Variants in AUTS2 observed in about 807,000 individuals in gnomAD.
The protein encoded by AUTS2 is autism susceptibility gene 2 protein.
Under a neutral mutation model 112.4 loss-of-function variants are expected in AUTS2, and 17 were observed. The ratio of observed to expected loss-of-function variants is 0.15; its 90% CI spans 0.10 to 0.23. The LOEUF (loss-of-function observed/expected upper bound fraction) is 0.23. AUTS2 is among the 10% of genes least tolerant of loss of function. The pLI is 1.00. For synonymous variants in AUTS2, 751 were observed against 702.7 expected, an observed-to-expected ratio of 1.07 and a Z score of -1.09; for missense variants, 1,510 against 1,701.6, an observed-to-expected ratio of 0.89 and a Z score of 1.98.
At chr7:69,684,642 T>TA (rs1796977599) in intron 1 of AUTS2, among the ~76,000 whole-genome samples, 1 of 152,198 alleles carries the variant, frequency 6.6e-6, no homozygotes, top group Admixed American at 6.5e-5. Context: ...TAATGACTGT[T>TA]ACAGCTGAGT....
At chr7:70,211,927 A>G (rs1358622488) in intron 4 of AUTS2, among the ~76,000 whole-genome samples, 2 of 152,138 alleles carry the variant, frequency 1.3e-5, no homozygotes, top group Admixed American at 6.5e-5. Flanking sequence ...CGGAGCTTGC[A>G]GCGAGCTGAG....
At chr7:69,840,229 A>T (rs1472796778) in intron 1 of AUTS2, among the ~76,000 whole-genome samples, 1 of 152,174 alleles carries the variant, frequency 6.6e-6, no homozygotes, top group Non-Finnish European at 1.5e-5. Flanking sequence ...ATCTCTTTGT[A>T]TTCCAAAAAG....
intron 1 of AUTS2, among the ~76,000 whole-genome samples, chr7:69,708,005 G>A (rs1183808621): frequency 3.9e-5 from 6 of 152,206 alleles, no homozygotes; most frequent in East Asian, 3.9e-4. Flanking sequence ...CTTGGGATGC[G>A]TGCCTCTTCC....
At chr7:70,575,384 C>G (rs1802118671) in intron 5 of AUTS2, among the ~76,000 whole-genome samples, 3 of 152,154 alleles carry the variant, frequency 2.0e-5, no homozygotes, top group African/African-American at 4.8e-5. Context: ...CTAAAAGTGC[C>G]AAGCCCAGGC....
At chr7:70,501,827 A>G (rs955456116) in intron 5 of AUTS2, among the ~76,000 whole-genome samples, 2 of 152,120 alleles carry the variant, frequency 1.3e-5, no homozygotes, top group Non-Finnish European at 2.9e-5. Flanking sequence ...TTTTGCAGCC[A>G]TCTAGCTTTC....
intron 2 of AUTS2, among the ~76,000 whole-genome samples, chr7:70,107,096 A>G (rs748304903): frequency 6.6e-6 from 1 of 152,152 alleles, no homozygotes; most frequent in Non-Finnish European, 1.5e-5. Flanking sequence ...AAATGCCAGG[A>G]TGAAGACTTC....
At chr7:70,646,406 G>A (rs117877902) in intron 5 of AUTS2, among the ~76,000 whole-genome samples, 2,962 of 152,280 alleles carry the variant, frequency 0.019, 34 homozygotes, top group Middle Eastern at 0.027. Flanking sequence ...TGAGCTTGCC[G>A]TCACATCCAC....
At chr7:70,776,381 A>G (rs1218069462) in intron 13 of AUTS2, among the ~76,000 whole-genome samples, 1 of 152,196 alleles carries the variant, frequency 6.6e-6, no homozygotes, top group South Asian at 2.1e-4. Context: ...ATAAAGCAAG[A>G]CATGAAATAA....
chr7:70,779,596 G>A (rs970172393), intron 14 of AUTS2, among the ~76,000 whole-genome samples: 3 of 152,282 alleles, frequency 2.0e-5, no homozygotes, highest in Middle Eastern at 6.8e-3. Context: ...AGATCCTCAC[G>A]CCATGCTCTG....
At chr7:70,739,003 C>CTTTTTGTTTTTTTT (rs1787939716) in intron 6 of AUTS2, among the ~76,000 whole-genome samples, 1 of 57,298 alleles carries the variant, frequency 1.7e-5, no homozygotes. Context: ...GTTTTGAGGC[C>CTTTTTGTTTTTTTT]TTTTTTTTTT....
At chr7:70,149,577 C>G (rs989729082) in intron 4 of AUTS2, among the ~76,000 whole-genome samples, 2 of 152,038 alleles carry the variant, frequency 1.3e-5, no homozygotes, top group African/African-American at 4.8e-5. Context: ...CCACACACAT[C>G]TCTTATGCAC....
At chr7:70,168,926 C>T (rs1808524472) in intron 4 of AUTS2, among the ~76,000 whole-genome samples, 1 of 152,010 alleles carries the variant, frequency 6.6e-6, no homozygotes, top group South Asian at 2.1e-4. Context: ...TGTTAGGTAA[C>T]CCAGAATGCT....
At chr7:69,878,848 C>A (rs993391088) in intron 1 of AUTS2, among the ~76,000 whole-genome samples, 2 of 152,140 alleles carry the variant, frequency 1.3e-5, no homozygotes, top group Non-Finnish European at 2.9e-5. Context: ...TGTTTCTATA[C>A]TCAACCAGTC....
intron 2 of AUTS2, among the ~76,000 whole-genome samples, chr7:69,979,862 ATGCCATTTT>A (rs1029361139): frequency 2.6e-5 from 4 of 152,240 alleles, no homozygotes; most frequent in Non-Finnish European, 5.9e-5. Context: ...TGTTTTTTAA[ATGCCATTTT>A]TGCCATTTTT....
At chr7:69,960,080 T>C (rs1377416512) in intron 2 of AUTS2, among the ~76,000 whole-genome samples, 1 of 152,174 alleles carries the variant, frequency 6.6e-6, no homozygotes, top group Admixed American at 6.5e-5. Flanking sequence ...TTTTAGTGAT[T>C]TTTCATTTTG....
rs542414879 is a variant in AUTS2, at chr7:70,219,764, G to C, written c.660+85193G>C. On this transcript the variant is annotated intron_variant, in intron 4 of 18. Transcript: ENST00000342771. ...TTTTTGTATTTTTAGTAGAGACAGG[G>C]TTTCACCACATTGGTCAGGCTGATC... 2.0e-5 allele frequency among the ~76,000 whole-genome samples: 3 copies of C among 151,924 alleles called. No homozygotes were observed. In the South Asian group the frequency reaches 6.2e-4, roughly 32 times the overall value.
At chr7:70,784,263 C>T (rs557299656) in intron 15 of AUTS2, 1 of 152,180 alleles carries the variant, frequency 6.6e-6, no homozygotes, top group South Asian at 2.1e-4. Context: ...TAGTATCCTT[C>T]GATGTGGGTG....
chr7:69,599,992 C>T lies in AUTS2; in HGVS notation c.309+30C>T, dbSNP rs760045519. On this transcript the variant is annotated intron_variant, in intron 1 of 18. Coordinates refer to ENST00000342771, the MANE Select transcript of AUTS2 (RefSeq NM_015570.4). The surrounding 1 kb of genome is among the most constrained non-coding windows in gnomAD (Gnocchi z 7.0). ...GGGGGACCCCCCTTCCCCCGGGTTCCCTTTATGCACGACCCCACTCGGCTG... is the reference window on the plus strand; with the variant it reads ...GGGGGACCCCCCTTCCCCCGGGTTCTCTTTATGCACGACCCCACTCGGCTG... 2 of 1,610,832 alleles carry T rather than the reference C, an allele frequency of 1.2e-6. No individual in the cohort carries two copies. The highest frequency in any genetic ancestry group is 1.1e-5 in the South Asian group (1 of 90,898).
rs184425353 is a variant in AUTS2, at chr7:69,619,025, A to T, written c.309+19063A>T. Among the ~76,000 whole-genome samples, 8 of 152,230 alleles carry T rather than the reference A, an allele frequency of 5.3e-5. No homozygotes were observed. The East Asian group carries it at 1.2e-3, about 22-fold the overall frequency. On this transcript the variant is annotated intron_variant, in intron 1 of 18. Coordinates refer to ENST00000342771, the MANE Select transcript of AUTS2 (RefSeq NM_015570.4). ...TTCTATCATGCAGTCAGGGTAAGAG[A>T]CCTGCTGTTTGGAGGGTTGTGTTTG...
Sources: gnomAD v4.1 joint callset for allele counts (sites outside exome capture counted in the v4.1 genomes callset) on GRCh38, gnomAD v4.1.1 for gene constraint, Gnocchi (gnomAD v3.1) non-coding constraint, MANE v1.5 for transcripts, NCBI Gene and HGNC (gene_info 2026-07-23, HGNC 2026-07-21) for gene names.